SNX8: variants seen among roughly 807,000 people sequenced by gnomAD.
The protein encoded by SNX8 is sorting nexin 8.
SNX8 carries 25 observed loss-of-function variants against 51.6 expected under a neutral mutation model. The observed-to-expected ratio is 0.48, with a 90% CI of 0.35 to 0.68. The LOEUF is 0.68. SNX8 is among the 30% of genes least tolerant of loss of function. The pLI, the probability that SNX8 is intolerant of heterozygous loss-of-function variation, is 0.00. For synonymous variants in SNX8, 324 were observed against 277.0 expected, an observed-to-expected ratio of 1.17 and a Z score of -1.68; for missense variants, 695 against 624.0, an observed-to-expected ratio of 1.11 and a Z score of -1.21.
At chr7:2,272,229 T>C (rs966081143) in intron 3 of SNX8, among the ~76,000 whole-genome samples, 1 of 152,172 alleles carries the variant, frequency 6.6e-6, no homozygotes, top group Non-Finnish European at 1.5e-5. Flanking sequence ...GATCTGCTTG[T>C]TTCCATCGGG....
At chr7:2,284,147 C>G (rs1265621639) in intron 1 of SNX8, among the ~76,000 whole-genome samples, 1 of 152,132 alleles carries the variant, frequency 6.6e-6, no homozygotes, top group East Asian at 1.9e-4. Flanking sequence ...CCAGGCTAGT[C>G]TCGAACTCCT....
intron 1 of SNX8, among the ~76,000 whole-genome samples, chr7:2,284,723 T>C (rs1180850784): frequency 1.3e-5 from 2 of 151,892 alleles, no homozygotes; most frequent in East Asian, 1.9e-4. Flanking sequence ...TATTTCTTCA[T>C]CTGGATGGGG....
rs183295090 is a variant in SNX8 at position 2,339,613 on chromosome 7, T to C, written c.-66+14609A>G. On this transcript the variant is annotated intron_variant, in intron 1 of 5. Transcript: ENST00000435336. The stretch of plus-strand genomic sequence containing the variant: ...CCCAAATTGATGTATAAAATTAATG[T>C]AATTTCCATTTTTTTTGAAATCTCA... Among the ~76,000 whole-genome samples the C allele has an allele frequency of 2.6e-5, 4 of 152,300 alleles. No individual in the cohort carries two copies. The East Asian group carries it at 7.7e-4, about 29-fold the overall frequency.
upstream of SNX8, chr7:2,354,466 T>G (rs1156311112): frequency 1.3e-5 from 2 of 152,194 alleles, no homozygotes; most frequent in African/African-American, 2.4e-5. Context: ...ACTGTTGAGT[T>G]AGAGGACATT....
At chr7:2,282,989 C>T (rs78303114) in intron 1 of SNX8, among the ~76,000 whole-genome samples, 74 of 150,964 alleles carry the variant, frequency 4.9e-4, no homozygotes, top group African/African-American at 1.6e-3. Flanking sequence ...GGCGTGGTGG[C>T]GGAAGCCTGT....
At chr7:2,333,065 T>TCAAGGCTGTGGTGAGCCAAGATTA (rs1778768178) in intron 1 of SNX8, among the ~76,000 whole-genome samples, 1 of 151,808 alleles carries the variant, frequency 6.6e-6, no homozygotes, top group African/African-American at 2.4e-5. Context: ...GCCCAGGAGT[T>TCAAGGCTGTGGTGAGCCAAGATTA]CTTTTTTGTT....
intron 1 of SNX8, among the ~76,000 whole-genome samples, chr7:2,313,458 G>A (rs1210505041): frequency 2.0e-5 from 3 of 151,242 alleles, no homozygotes; most frequent in East Asian, 2.0e-4. Context: ...CCCGGGAGGC[G>A]GAGGTTGCAA....
intron 1 of SNX8, among the ~76,000 whole-genome samples, chr7:2,330,586 T>C (rs1375914607): frequency 1.3e-5 from 2 of 152,018 alleles, no homozygotes; most frequent in Non-Finnish European, 2.9e-5. Flanking sequence ...GGCCCAGACT[T>C]GTGATCAGGG....
At chr7:2,263,478 T>G in intron 6 of SNX8, 116 bp from the exon 7 acceptor site, 8 of 1,016,742 alleles carry the variant, frequency 7.9e-6, no homozygotes, top group Non-Finnish European at 1.1e-5. Context: ...GACCCCGTCC[T>G]AGGACCCTGC....
intron 1 of SNX8, among the ~76,000 whole-genome samples, chr7:2,348,038 A>G (rs1779065654): frequency 1.3e-5 from 2 of 152,144 alleles, no homozygotes; most frequent in African/African-American, 4.8e-5. Context: ...TCCTGGAGAA[A>G]TTACTGAGAT....
chr7:2,268,450 G>C (rs1487411039), intron 5 of SNX8, among the ~76,000 whole-genome samples: 6 of 131,872 alleles, frequency 4.5e-5, no homozygotes, highest in African/African-American at 1.4e-4. Flanking sequence ...GGAGGGAGGT[G>C]GGGGGGGTCA....
intron 1 of SNX8, among the ~76,000 whole-genome samples, chr7:2,287,535 C>T (rs552228297): frequency 6.6e-6 from 1 of 151,556 alleles, no homozygotes; most frequent in East Asian, 2.0e-4. Flanking sequence ...GCCGAGATCA[C>T]GCCATTGCAC....
intron 1 of SNX8, among the ~76,000 whole-genome samples, chr7:2,312,756 C>T (rs1474379875): frequency 7.2e-6 from 1 of 139,428 alleles, no homozygotes; most frequent in East Asian, 2.2e-4. Flanking sequence ...CCAATCTTGT[C>T]CCCCCCCACC....
chr7:2,310,390 C>T (rs924907119), intron 1 of SNX8, among the ~76,000 whole-genome samples: 5 of 152,082 alleles, frequency 3.3e-5, no homozygotes, highest in South Asian at 4.1e-4. Context: ...TTGGGAGGCC[C>T]GGGTGGGAGG....
At chr7:2,267,444 T>C (rs1795495601) in intron 5 of SNX8, among the ~76,000 whole-genome samples, 1 of 134,914 alleles carries the variant, frequency 7.4e-6, no homozygotes, top group South Asian at 2.6e-4. Context: ...TGCCTCAGTC[T>C]GCCGAATGCC....
chr7:2,277,003 C>G (rs111256954), intron 2 of SNX8, among the ~76,000 whole-genome samples: 2,995 of 152,366 alleles, frequency 0.02, 38 homozygotes, highest in South Asian at 0.043. Context: ...GCTCATGACG[C>G]TTTTCAAACA....
At chr7:2,350,665 GAC>G (rs1779119764) in intron 1 of SNX8, among the ~76,000 whole-genome samples, 1 of 149,970 alleles carries the variant, frequency 6.7e-6, no homozygotes, top group African/African-American at 2.5e-5. Flanking sequence ...TTTTTTTTTT[GAC>G]ACAGAGTCTC....
intron 1 of SNX8, among the ~76,000 whole-genome samples, chr7:2,302,207 A>G (rs529843714): frequency 9.1e-4 from 138 of 152,220 alleles, no homozygotes; most frequent in Non-Finnish European, 1.6e-3. Context: ...TCCCTGCCTG[A>G]TTCTCCTGCC....
At chr7:2,297,823 GTGAGAGC>G (rs1331828311) in intron 1 of SNX8, among the ~76,000 whole-genome samples, 1 of 151,794 alleles carries the variant, frequency 6.6e-6, no homozygotes, top group East Asian at 1.9e-4. Flanking sequence ...TCACTTATAA[GTGAGAGC>G]TGAACTACGG....
Sources: gnomAD v4.1 joint callset for allele counts (sites outside exome capture counted in the v4.1 genomes callset) on GRCh38, gnomAD v4.1.1 for gene constraint, MANE v1.5 for transcripts, NCBI Gene and HGNC (gene_info 2026-07-23, HGNC 2026-07-21) for gene names.